Variants in RAB8B observed in about 807,000 individuals in gnomAD.
The protein encoded by RAB8B is RAB8B, member RAS oncogene family.
In RAB8B, 11 loss-of-function variants were observed where a neutral mutation model predicts 32.0. That is an observed-to-expected ratio of 0.34 (90% CI 0.22 to 0.57). The LOEUF (loss-of-function observed/expected upper bound fraction) is 0.57, where lower values mean the gene tolerates loss of function less well. RAB8B is among the 20% of genes least tolerant of loss of function. The probability of loss-of-function intolerance (pLI) is 0.86; values close to 1 mark genes in which losing one functional copy is unlikely to be tolerated. For missense variants in RAB8B, 190 were observed against 258.5 expected (o/e 0.73, Z 1.82); for synonymous variants, 103 against 89.6 (o/e 1.15, Z -0.85).
At chr15:63,260,968 T>C (rs770176312) in intron 6 of RAB8B, among the ~76,000 whole-genome samples, 1 of 152,222 alleles carries the variant, frequency 6.6e-6, no homozygotes, top group Non-Finnish European at 1.5e-5. Context: ...GTTATTTGTT[T>C]AGGTTGGCCG....
At chr15:63,249,910 G>C (rs1419113825) in intron 3 of RAB8B, among the ~76,000 whole-genome samples, 2 of 152,136 alleles carry the variant, frequency 1.3e-5, no homozygotes, top group Non-Finnish European at 2.9e-5. Flanking sequence ...GCCGAGGCGG[G>C]TGGATCATGA....
intron 5 of RAB8B, among the ~76,000 whole-genome samples, chr15:63,257,374 C>T (rs534805812): frequency 6.6e-6 from 1 of 152,092 alleles, no homozygotes; most frequent in Non-Finnish European, 1.5e-5. Context: ...ATTCTCATGC[C>T]TCAGCCTCCA....
chr15:63,249,535 G>A (rs1286378262), intron 2 of RAB8B, 110 bp from the exon 3 acceptor site: 6 of 977,336 alleles, frequency 6.1e-6, no homozygotes, highest in Middle Eastern at 4.3e-4. Flanking sequence ...CCTTTCCTCT[G>A]TGACCACTGC....
chr15:63,263,702 C>A lies in RAB8B; in HGVS notation c.*83C>A. The A allele has an allele frequency of 8.9e-7, 1 of 1,118,306 alleles. No individual in the cohort carries two copies. The allele number at this position is 1,118,306 out of a possible 1,614,324, so 69.3% of individuals were successfully genotyped here. A position where few individuals can be genotyped will look rare whatever the true frequency, so the allele number is the denominator to read the frequency against. ...AGCACAGGTCACCCAGCCTCAGAAT[C>A]ACACCTCCCGGCTGCTGCTGAGAGC... On this transcript the variant is annotated 3_prime_UTR_variant, in exon 8 of 8. Transcript: ENST00000321437.
rs2141101857 is a variant in RAB8B at position 63,189,657 on chromosome 15, C to G, written c.33C>G (p.Leu11=). The G allele has an allele frequency of 1.2e-6, 2 of 1,614,014 alleles. No individual in the cohort carries two copies. The highest frequency in any genetic ancestry group is 1.7e-6 in the Non-Finnish European group (2 of 1,179,930). ...AGACGTACGATTATCTCTTCAAGCTCCTGCTGATCGGCGACTCGGGGGTAG... is the reference window on the plus strand; with the variant it reads ...AGACGTACGATTATCTCTTCAAGCTGCTGCTGATCGGCGACTCGGGGGTAG... MAKTYDYLFK[L]LLIGDSGVGK... is the part of the protein sequence containing the mutation. The change falls in exon 1 of 8, where the codon CTC becomes CTG. Residue 11 remains leucine (L), a synonymous_variant. Transcript: ENST00000321437.
chr15:63,251,632 G>T (rs1160170158), intron 3 of RAB8B, among the ~76,000 whole-genome samples: 1 of 152,180 alleles, frequency 6.6e-6, no homozygotes. Context: ...AGAAATTGTT[G>T]CTATTCTAAA....
intron 1 of RAB8B, among the ~76,000 whole-genome samples, chr15:63,240,324 C>A (rs559326768): frequency 6.6e-6 from 1 of 152,178 alleles, no homozygotes; most frequent in East Asian, 1.9e-4. Context: ...GGGTTATAGA[C>A]TGAATGTGTA....
intron 1 of RAB8B, among the ~76,000 whole-genome samples, chr15:63,195,195 T>C (rs2037590607): frequency 6.6e-6 from 1 of 152,254 alleles, no homozygotes; most frequent in South Asian, 2.1e-4. Flanking sequence ...CATTGTGTTC[T>C]TTCAAAGCTG....
intron 1 of RAB8B, among the ~76,000 whole-genome samples, chr15:63,219,727 A>G (rs181234249): frequency 1.3e-5 from 2 of 152,212 alleles, no homozygotes; most frequent in South Asian, 2.1e-4. Context: ...AACCAATTCT[A>G]TGGAGGCTGT....
At chr15:63,241,831 A>G (rs1244673368) in intron 1 of RAB8B, among the ~76,000 whole-genome samples, 1 of 152,066 alleles carries the variant, frequency 6.6e-6, no homozygotes, top group Non-Finnish European at 1.5e-5. Context: ...GTGGCATATA[A>G]AACGTAAATC....
Position 63,262,703 on chromosome 15 carries a change from A to G in RAB8B, c.492A>G (p.Thr164=). The G allele has an allele frequency of 2.8e-6, 4 of 1,442,618 alleles. No individual in the cohort carries two copies. The highest frequency in any genetic ancestry group is 1.8e-4 in the Middle Eastern group (1 of 5,522). 89.4% of individuals were successfully genotyped at this position (1,442,618 alleles called of 1,614,324 possible). A position where few individuals can be genotyped will look rare whatever the true frequency, so the allele number is the denominator to read the frequency against. Residue 164 remains threonine, a synonymous_variant, in exon 7 of 8, where the codon ACA becomes ACG. Transcript: ENST00000321437. ...SSANVEEAFF[T]LARDIMTKLN... The stretch of plus-strand genomic sequence containing the variant: ...TGTTTTACCTATAGGCATTTTTTAC[A>G]CTTGCACGAGATATAATGACAAAAC...
At chr15:63,228,424 A>G (rs2037906982) in intron 1 of RAB8B, among the ~76,000 whole-genome samples, 2 of 152,256 alleles carry the variant, frequency 1.3e-5, no homozygotes, top group South Asian at 4.1e-4. Context: ...ACTCAGAATT[A>G]TCTGTGTTAA....
intron 3 of RAB8B, chr15:63,251,480 T>A (rs1161436324): frequency 5.9e-6 from 2 of 337,402 alleles, no homozygotes; most frequent in Non-Finnish European, 1.2e-5. Context: ...AATATAAGAG[T>A]AAATGTTTCA....
intron 1 of RAB8B, among the ~76,000 whole-genome samples, chr15:63,206,702 AT>A: frequency 6.6e-6 from 1 of 152,116 alleles, no homozygotes; most frequent in Middle Eastern, 3.4e-3. Context: ...CCCTATTGAA[AT>A]CATCCTCATT....
chr15:63,247,467 A>G (rs1436252393), intron 2 of RAB8B, among the ~76,000 whole-genome samples: 1 of 152,206 alleles, frequency 6.6e-6, no homozygotes, highest in African/African-American at 2.4e-5. Flanking sequence ...GCTAGGTTGA[A>G]TATTTTTGAC....
intron 1 of RAB8B, among the ~76,000 whole-genome samples, chr15:63,212,717 T>C (rs1477402274): frequency 1.3e-5 from 2 of 152,196 alleles, no homozygotes; most frequent in African/African-American, 4.8e-5. Flanking sequence ...ATTTCCGTAT[T>C]CCCTAAAACA....
rs922027798 is a variant in RAB8B at position 63,267,435 on chromosome 15, G to C, written c.*3816G>C. The C allele has an allele frequency of 2.6e-5, 4 of 152,396 alleles. No homozygotes were observed. The highest frequency in any genetic ancestry group is 9.7e-5 in the African/African-American group (4 of 41,434). 9.4% of individuals were successfully genotyped at this position (152,396 alleles called of 1,614,324 possible). On this transcript the variant is annotated 3_prime_UTR_variant, in exon 8 of 8. Coordinates refer to ENST00000321437, the MANE Select transcript of RAB8B (RefSeq NM_016530.3). Reference sequence around the variant, plus strand: ...TATAGTTCAATTTTATGGCCTTACAGATGGCTTTTATTTTGTTTGCAGCTG... The same window carrying C: ...TATAGTTCAATTTTATGGCCTTACACATGGCTTTTATTTTGTTTGCAGCTG...
chr15:63,259,820 T>G lies in RAB8B; in HGVS notation c.480+128T>G. 1 of 781,184 alleles carries G rather than the reference T, an allele frequency of 1.3e-6. No homozygotes were observed. Among genetic ancestry groups the G allele is most frequent in the East Asian group, 2.8e-5 (1 of 35,882 alleles). 48.4% of individuals were successfully genotyped at this position (781,184 alleles called of 1,614,324 possible). ...GCCTTTTGTTGACCCAACTCTACTTTGTACACTTTTGTGCTTCTGATTTTT... is the reference window on the plus strand; with the variant it reads ...GCCTTTTGTTGACCCAACTCTACTTGGTACACTTTTGTGCTTCTGATTTTT... On this transcript the variant is annotated intron_variant, in intron 6 of 7. Coordinates refer to ENST00000321437, the MANE Select transcript of RAB8B (RefSeq NM_016530.3). The surrounding 1 kb of genome is among the most constrained non-coding windows in gnomAD (Gnocchi z 4.4).
chr15:63,224,788 A>G (rs1196703871), intron 1 of RAB8B, among the ~76,000 whole-genome samples: 1 of 152,134 alleles, frequency 6.6e-6, no homozygotes, highest in Non-Finnish European at 1.5e-5. Context: ...TTAGAAACAG[A>G]TTCCTCCCAA....
Sources: allele counts gnomAD v4.1 joint callset (sites outside exome capture counted in the v4.1 genomes callset), GRCh38; gene constraint gnomAD v4.1.1; non-coding constraint Gnocchi (gnomAD v3.1); transcripts MANE v1.5; gene names NCBI Gene and HGNC (gene_info 2026-07-23, HGNC 2026-07-21).